Variants in ABL1 observed in about 807,000 individuals in gnomAD.
The protein encoded by ABL1 is ABL proto-oncogene 1, non-receptor tyrosine kinase.
Under a neutral mutation model 94.7 loss-of-function variants are expected in ABL1, and 11 were observed. The ratio of observed to expected loss-of-function variants is 0.12; its 90% CI spans 0.07 to 0.19. ABL1 has a LOEUF of 0.19. Among genes scored for constraint, ABL1 ranks in the 10% least tolerant of loss-of-function variants. The pLI is 1.00. For synonymous variants in ABL1, 656 were observed against 622.4 expected, an observed-to-expected ratio of 1.05 and a Z score of -0.80; for missense variants, 1,082 against 1,489.4, an observed-to-expected ratio of 0.73 and a Z score of 4.50.
intron 3 of ABL1, among the ~76,000 whole-genome samples, chr9:130,859,839 C>T (rs770650559): frequency 2.0e-5 from 3 of 151,724 alleles, no homozygotes; most frequent in Non-Finnish European, 4.4e-5. Flanking sequence ...CACCAGCATG[C>T]CCGGCTAATT....
chr9:130,809,657 CAGTT>C (rs1830180481), intron 1 of ABL1, among the ~76,000 whole-genome samples: 1 of 152,176 alleles, frequency 6.6e-6, no homozygotes, highest in Admixed American at 6.5e-5. Flanking sequence ...AGTTCGAAGG[CAGTT>C]AGGCTGGAAG....
intron 1 of ABL1, among the ~76,000 whole-genome samples, chr9:130,731,539 A>C (rs1051563863): frequency 5.3e-5 from 8 of 152,076 alleles, no homozygotes; most frequent in African/African-American, 1.7e-4. Context: ...CTAGCTGTTT[A>C]ATTGAAAAGA....
intron 3 of ABL1, among the ~76,000 whole-genome samples, chr9:130,860,369 T>C (rs2132968604): frequency 6.6e-6 from 1 of 152,282 alleles, no homozygotes; most frequent in East Asian, 1.9e-4. Flanking sequence ...ATTTAATTAT[T>C]GAAAAGGATA....
chr9:130,877,979 A>AT (rs35113428), intron 7 of ABL1, among the ~76,000 whole-genome samples: 1 of 151,246 alleles, frequency 6.6e-6, no homozygotes, highest in South Asian at 2.1e-4. Flanking sequence ...CGCCCGGCTA[A>AT]TTTTTTTGTA....
chr9:130,810,653 A>G (rs188522448), intron 1 of ABL1, among the ~76,000 whole-genome samples: 8 of 152,204 alleles, frequency 5.3e-5, no homozygotes, highest in Admixed American at 4.6e-4. Flanking sequence ...CATGAACACA[A>G]CATCAGTAAA....
intron 1 of ABL1, among the ~76,000 whole-genome samples, chr9:130,792,862 G>T (rs1356036487): frequency 1.3e-5 from 2 of 152,106 alleles, no homozygotes; most frequent in African/African-American, 4.8e-5. Flanking sequence ...TTCTAATCAG[G>T]TGCTTTTTCA....
chr9:130,846,850 A>G (rs1830780819), intron 1 of ABL1, among the ~76,000 whole-genome samples: 2 of 152,174 alleles, frequency 1.3e-5, no homozygotes, highest in Admixed American at 6.5e-5. Context: ...TTCATCAGTG[A>G]CTCACAGCTT....
At chr9:130,799,770 A>C (rs974313648) in intron 1 of ABL1, among the ~76,000 whole-genome samples, 2 of 152,208 alleles carry the variant, frequency 1.3e-5, no homozygotes, top group Admixed American at 1.3e-4. Context: ...ACTTCCAGGG[A>C]ACTCTGTCAA....
chr9:130,878,483 C>A lies in ABL1; in HGVS notation c.1339C>A (p.Gln447Lys), dbSNP rs1294077622. 1 of 1,614,236 alleles carries A rather than the reference C, an allele frequency of 6.2e-7. No homozygotes were observed. Among genetic ancestry groups the A allele is most frequent in the South Asian group, 1.1e-5 (1 of 91,088 alleles). Reference protein sequence around the residue: ...MSPYPGIDLSQVYELLEKDYR... With the variant: ...MSPYPGIDLSKVYELLEKDYR... ...CCCTTACCCGGGAATTGACCTGTCCCAGGTGTATGAGCTGCTAGAGAAGGA... is the reference window on the plus strand; with the variant it reads ...CCCTTACCCGGGAATTGACCTGTCCAAGGTGTATGAGCTGCTAGAGAAGGA... The change falls in exon 8 of 11, where the codon CAG becomes AAG. Residue 447 changes from glutamine (Q) to lysine (K), a missense_variant. Gln to Lys is a moderately conservative substitution (Grantham distance 53). Coordinates refer to ENST00000318560, the MANE Select transcript of ABL1 (RefSeq NM_005157.6).
chr9:130,826,587 C>T (rs1830428542), intron 1 of ABL1, among the ~76,000 whole-genome samples: 1 of 152,078 alleles, frequency 6.6e-6, no homozygotes, highest in South Asian at 2.1e-4. Context: ...GCTGGTTTGC[C>T]TGTAAGAATC....
At chr9:130,754,507 C>CAAAAAA (rs34396002) in intron 1 of ABL1, among the ~76,000 whole-genome samples, 6 of 78,848 alleles carry the variant, frequency 7.6e-5, no homozygotes, top group African/African-American at 2.0e-4. Context: ...GACTCCGTCT[C>CAAAAAA]AAAAAAAAAA....
At chr9:130,847,124 A>G (rs1830785604) in intron 1 of ABL1, among the ~76,000 whole-genome samples, 1 of 152,054 alleles carries the variant, frequency 6.6e-6, no homozygotes. Flanking sequence ...TTAGTTGGTG[A>G]GTGGAAACCT....
intron 3 of ABL1, among the ~76,000 whole-genome samples, chr9:130,856,658 A>G (rs1830980663): frequency 1.3e-5 from 2 of 152,254 alleles, no homozygotes; most frequent in South Asian, 4.1e-4. Context: ...AGTTCCTTCT[A>G]GAGTTACCTG....
chr9:130,715,543 C>T (rs963497969), intron 1 of ABL1, among the ~76,000 whole-genome samples: 2 of 152,132 alleles, frequency 1.3e-5, no homozygotes, highest in Non-Finnish European at 2.9e-5. Flanking sequence ...TTTTACTTTG[C>T]CTTGAAACAT....
chr9:130,737,942 T>A (rs1831766168), intron 1 of ABL1, among the ~76,000 whole-genome samples: 1 of 151,640 alleles, frequency 6.6e-6, no homozygotes, highest in Admixed American at 6.6e-5. Context: ...GATATTCTCC[T>A]GCCTCAGCCT....
At chr9:130,855,119 C>T (rs368863447) in intron 3 of ABL1, 23 bp downstream of exon 3, 26 of 1,603,400 alleles carry the variant, frequency 1.6e-5, no homozygotes, top group Middle Eastern at 3.4e-4. Flanking sequence ...TGGCAGGGGG[C>T]GCTGATGGGC....
chr9:130,845,461 C>T (rs1219630721), intron 1 of ABL1, among the ~76,000 whole-genome samples: 1 of 152,080 alleles, frequency 6.6e-6, no homozygotes, highest in Non-Finnish European at 1.5e-5. Context: ...CCTGCCTCAG[C>T]CTCCCGAGTA....
At chr9:130,777,470 T>A (rs56695615) in intron 1 of ABL1, among the ~76,000 whole-genome samples, 19 of 105,534 alleles carry the variant, frequency 1.8e-4, no homozygotes, top group Admixed American at 4.1e-4. Flanking sequence ...GGACACTGAC[T>A]CACTGCATTA....
In ABL1 at chr9:130,793,075, G is replaced by A. The variant is rs527346934; in HGVS notation, c.137-60989G>A. On this transcript the variant is annotated intron_variant, in intron 1 of 10. Coordinates refer to the ABL1 transcript ENST00000372348. ...CGAGTAGCTGGGATTACAGGTGCCCGCCACCATGCCCACCTAGTTTTTGTA... is the reference window on the plus strand; with the variant it reads ...CGAGTAGCTGGGATTACAGGTGCCCACCACCATGCCCACCTAGTTTTTGTA... 5.3e-5 allele frequency among the ~76,000 whole-genome samples: 8 copies of A among 152,158 alleles called. No individual in the cohort carries two copies. The East Asian group carries it at 9.7e-4, about 18-fold the overall frequency.
Sources: allele counts gnomAD v4.1 joint callset (sites outside exome capture counted in the v4.1 genomes callset), GRCh38; gene constraint gnomAD v4.1.1; transcripts MANE v1.5; gene names NCBI Gene and HGNC (gene_info 2026-07-23, HGNC 2026-07-21).